IL1RAPL2: variants seen among roughly 807,000 people sequenced by gnomAD.
The protein encoded by IL1RAPL2 is interleukin 1 receptor accessory protein like 2.
In IL1RAPL2, 3 loss-of-function variants were observed where a neutral mutation model predicts 44.1. That is an observed-to-expected ratio of 0.07 (90% CI 0.03 to 0.18). The LOEUF is 0.18. Ranked by LOEUF, IL1RAPL2 falls within the 10% of genes least tolerant of loss-of-function variation. IL1RAPL2 has a pLI of 1.00. For missense variants in IL1RAPL2, 391 were observed against 496.4 expected (o/e 0.79, Z 2.02); for synonymous variants, 181 against 178.8 (o/e 1.01, Z -0.10).
intron 2 of IL1RAPL2, among the ~76,000 whole-genome samples, chrX:104,725,852 A>G (rs754597824): frequency 2.5e-4 from 28 of 111,478 alleles, no homozygotes; most frequent in Non-Finnish European, 5.1e-4. Context: ...CACTCTGATG[A>G]TAGTTTCTTT....
chrX:104,880,237 G>A (rs1923026154), intron 2 of IL1RAPL2, among the ~76,000 whole-genome samples: 1 of 111,209 alleles, frequency 9.0e-6, no homozygotes, highest in African/African-American at 3.3e-5. Context: ...GGCCTTAGCA[G>A]AGTAAGCTAG....
At chrX:105,366,248 G>A (rs2035294007) in intron 5 of IL1RAPL2, among the ~76,000 whole-genome samples, 1 of 111,293 alleles carries the variant, frequency 9.0e-6, no homozygotes, top group Non-Finnish European at 1.9e-5. Context: ...TGCCCGGCCT[G>A]TGTCTTCTCT....
At chrX:104,726,814 TC>T (rs2147568195) in intron 2 of IL1RAPL2, among the ~76,000 whole-genome samples, 1 of 110,949 alleles carries the variant, frequency 9.0e-6, no homozygotes, top group Non-Finnish European at 1.9e-5. Flanking sequence ...TGCGATAGCC[TC>T]ATAGTATAAT....
chrX:104,989,105 G>A (rs956110100), intron 2 of IL1RAPL2, among the ~76,000 whole-genome samples: 3 of 111,778 alleles, frequency 2.7e-5, no homozygotes, highest in African/African-American at 9.8e-5. Context: ...CATAAGAAAT[G>A]TAGTGCCTAA....
intron 2 of IL1RAPL2, among the ~76,000 whole-genome samples, chrX:104,672,140 C>T (rs1159011658): frequency 1.1e-4 from 12 of 110,604 alleles, no homozygotes; most frequent in Admixed American, 9.6e-4. Context: ...GGTACATGTG[C>T]ACATTGTGCA....
rs1928853892 is a variant in IL1RAPL2 at position 104,600,189 on chromosome X, C to G, written c.-20+33138C>G. ...ATAAAATACAAAAGAATTAGTGTTT[C>G]CAGTTTATGCTTTATGTTGAAAATA... On this transcript the variant is annotated intron_variant, in intron 1 of 10. Transcript: ENST00000372582. Among the ~76,000 whole-genome samples, 4 of 111,714 alleles carry G rather than the reference C, an allele frequency of 3.6e-5. No homozygotes were observed. In the Admixed American group the frequency reaches 3.8e-4, roughly 11 times the overall value.
chrX:105,047,210 A>T (rs1288776017), intron 2 of IL1RAPL2, among the ~76,000 whole-genome samples: 1 of 111,523 alleles, frequency 9.0e-6, no homozygotes. Flanking sequence ...AATTTGGCTT[A>T]AAAGATGATG....
At chrX:105,121,338 C>T (rs1184479443) in intron 2 of IL1RAPL2, among the ~76,000 whole-genome samples, 1 of 111,740 alleles carries the variant, frequency 8.9e-6, no homozygotes, top group Admixed American at 9.5e-5. Context: ...TGTCCATATG[C>T]TGTCTTGGTA....
At chrX:104,761,902 TCTCCTTCTCCTTCTCCTTCTC>T (rs1387187084) in intron 2 of IL1RAPL2, among the ~76,000 whole-genome samples, 7 of 51,529 alleles carry the variant, frequency 1.4e-4, no homozygotes, top group South Asian at 9.7e-4. Flanking sequence ...TCCTTCTCCT[TCTCCTTCTCCTTCTCCTTCTC>T]CTTCTTCTTC....
At chrX:105,175,836 CTG>C (rs1483282403) in intron 2 of IL1RAPL2, among the ~76,000 whole-genome samples, 3 of 110,696 alleles carry the variant, frequency 2.7e-5, no homozygotes, top group Non-Finnish European at 3.8e-5. Flanking sequence ...TTAATTAAAA[CTG>C]TGCTGTACTT....
chrX:104,911,271 GA>G (rs1456547089), intron 2 of IL1RAPL2, among the ~76,000 whole-genome samples: 1 of 111,521 alleles, frequency 9.0e-6, no homozygotes, highest in East Asian at 2.8e-4. Flanking sequence ...TCAGAAAAGG[GA>G]AAAAAGCTAC....
intron 2 of IL1RAPL2, among the ~76,000 whole-genome samples, chrX:104,720,381 T>G (rs1026342667): frequency 2.7e-5 from 3 of 111,784 alleles, no homozygotes; most frequent in African/African-American, 9.7e-5. Context: ...TTAAAACCTA[T>G]AAAATAAGAA....
At chrX:105,687,847 C>T (rs139561420) in intron 6 of IL1RAPL2, among the ~76,000 whole-genome samples, 91 of 111,337 alleles carry the variant, frequency 8.2e-4, no homozygotes, top group African/African-American at 2.5e-3. Context: ...AACCGAATCC[C>T]GCAGCACATC....
At chrX:105,671,271 C>T (rs1176695394) in intron 6 of IL1RAPL2, among the ~76,000 whole-genome samples, 6 of 112,066 alleles carry the variant, frequency 5.4e-5, no homozygotes, top group African/African-American at 1.9e-4. Context: ...TAATTGGTGT[C>T]TATGAATTGA....
chrX:105,098,967 A>G (rs1569381884), intron 2 of IL1RAPL2, among the ~76,000 whole-genome samples: 1 of 112,527 alleles, frequency 8.9e-6, no homozygotes, highest in Non-Finnish European at 1.9e-5. Flanking sequence ...ATGTATAGGT[A>G]AGACTGTGAT....
intron 5 of IL1RAPL2, among the ~76,000 whole-genome samples, chrX:105,277,839 G>A (rs1429300814): frequency 9.2e-6 from 1 of 108,873 alleles, no homozygotes; most frequent in African/African-American, 3.4e-5. Context: ...AAATCCTACT[G>A]AGGATCACTG....
At chrX:104,695,821 G>A (rs1218204215) in intron 2 of IL1RAPL2, among the ~76,000 whole-genome samples, 1 of 110,607 alleles carries the variant, frequency 9.0e-6, no homozygotes, top group South Asian at 3.9e-4. Context: ...GTTTTGTTTC[G>A]TTTTGAGATG....
intron 5 of IL1RAPL2, among the ~76,000 whole-genome samples, chrX:105,444,783 G>C (rs962167224): frequency 2.4e-4 from 26 of 110,366 alleles, no homozygotes; most frequent in African/African-American, 8.2e-4. Flanking sequence ...ATTAGCTATT[G>C]GTCCTAATGC....
intron 6 of IL1RAPL2, among the ~76,000 whole-genome samples, chrX:105,507,912 A>C (rs938527278): frequency 9.0e-6 from 1 of 111,591 alleles, no homozygotes; most frequent in Non-Finnish European, 1.9e-5. Context: ...CCATGTCTAC[A>C]AAAGCAAATT....
Sources: gnomAD v4.1 joint callset for allele counts (sites outside exome capture counted in the v4.1 genomes callset) on GRCh38, gnomAD v4.1.1 for gene constraint, MANE v1.5 for transcripts, NCBI Gene and HGNC (gene_info 2026-07-23, HGNC 2026-07-21) for gene names.